Variants in TSHZ3 observed in about 807,000 individuals in gnomAD.
TSHZ3 encodes the protein teashirt zinc finger homeobox 3, also known as teashirt homolog 3.
Under a neutral mutation model 64.5 loss-of-function variants are expected in TSHZ3, and 10 were observed. The observed-to-expected ratio is 0.16, with a 90% CI of 0.10 to 0.26. TSHZ3 has a LOEUF of 0.26. Ranked by LOEUF, TSHZ3 falls within the 10% of genes least tolerant of loss-of-function variation. The pLI is 1.00. For synonymous variants in TSHZ3, 608 were observed against 593.1 expected (o/e 1.03, Z -0.36); for missense variants, 1,242 against 1,421.7 (o/e 0.87, Z 2.03).
intron 1 of TSHZ3, among the ~76,000 whole-genome samples, chr19:31,319,746 C>T (rs982076200): frequency 2.6e-5 from 4 of 152,088 alleles, no homozygotes; most frequent in African/African-American, 7.2e-5. Context: ...CACCTTTTGT[C>T]GCCCTCAAAA....
intron 5 of TSHZ3, among the ~76,000 whole-genome samples, chr19:31,190,002 A>C (rs949161908): frequency 1.8e-4 from 28 of 152,140 alleles, no homozygotes; most frequent in Admixed American, 2.0e-4. Flanking sequence ...CTCTGTGTCT[A>C]ATATTAATAG....
chr19:31,192,537 T>C (rs1193570578), intron 5 of TSHZ3, among the ~76,000 whole-genome samples: 1 of 152,224 alleles, frequency 6.6e-6, no homozygotes, highest in Non-Finnish European at 1.5e-5. Flanking sequence ...TTCACTATGT[T>C]TACTTATATT....
At chr19:31,339,152 C>A (rs1040759414) in intron 1 of TSHZ3, among the ~76,000 whole-genome samples, 13 of 151,826 alleles carry the variant, frequency 8.6e-5, no homozygotes, top group Non-Finnish European at 1.8e-4. Context: ...CCTTTGCAAG[C>A]CAGGGTGGCT....
At chr19:31,322,852 A>C (rs1229842622) in intron 1 of TSHZ3, among the ~76,000 whole-genome samples, 2 of 152,260 alleles carry the variant, frequency 1.3e-5, no homozygotes, top group Non-Finnish European at 2.9e-5. Flanking sequence ...CTAATTATTT[A>C]GTTACCTTCT....
intron 1 of TSHZ3, among the ~76,000 whole-genome samples, chr19:31,300,981 G>A (rs1268990831): frequency 6.6e-6 from 1 of 152,136 alleles, no homozygotes; most frequent in Non-Finnish European, 1.5e-5. Flanking sequence ...ATCTGCTTGT[G>A]TCAATTACTT....
At chr19:31,219,499 T>G (rs1163617017) in intron 4 of TSHZ3, among the ~76,000 whole-genome samples, 2 of 152,192 alleles carry the variant, frequency 1.3e-5, no homozygotes, top group Non-Finnish European at 2.9e-5. Flanking sequence ...AGAGCAGTTC[T>G]GGCCAGTAGA....
intron 1 of TSHZ3, among the ~76,000 whole-genome samples, chr19:31,267,211 G>A (rs768384940): frequency 2.0e-5 from 3 of 152,016 alleles, no homozygotes; most frequent in Non-Finnish European, 4.4e-5. Context: ...CTCTCAGCCT[G>A]CACAGATGAG....
At chr19:31,179,729 A>AGGTGGTGGTGGT (rs61269486) in intron 5 of TSHZ3, among the ~76,000 whole-genome samples, 1 of 147,234 alleles carries the variant, frequency 6.8e-6, no homozygotes, top group Admixed American at 6.7e-5. Flanking sequence ...TGATGATGGT[A>AGGTGGTGGTGGT]GGTGGTGGTG....
At chr19:31,300,642 G>A (rs1976739910) in intron 1 of TSHZ3, among the ~76,000 whole-genome samples, 1 of 152,136 alleles carries the variant, frequency 6.6e-6, no homozygotes, top group Admixed American at 6.5e-5. Flanking sequence ...CAGCGTGCAT[G>A]GAGCTGACGC....
chr19:31,230,504 A>G (rs1599595108), intron 3 of TSHZ3, among the ~76,000 whole-genome samples: 1 of 152,206 alleles, frequency 6.6e-6, no homozygotes, highest in Non-Finnish European at 1.5e-5. Flanking sequence ...AATCCTGCAG[A>G]GAAGTCAGGT....
intron 5 of TSHZ3, among the ~76,000 whole-genome samples, chr19:31,202,184 A>G (rs1975097593): frequency 6.6e-6 from 1 of 152,082 alleles, no homozygotes; most frequent in South Asian, 2.1e-4. Context: ...AAAAAAAGTC[A>G]TGATCTTTGA....
At chr19:31,318,082 T>A (rs1332552931) in intron 1 of TSHZ3, among the ~76,000 whole-genome samples, 10 of 152,250 alleles carry the variant, frequency 6.6e-5, no homozygotes, top group Admixed American at 6.5e-4. Context: ...TTAGGAACAG[T>A]ATAATAAATA....
chr19:31,157,031 T>TA (rs1400263306), intron 5 of TSHZ3, among the ~76,000 whole-genome samples: 1 of 152,142 alleles, frequency 6.6e-6, no homozygotes, highest in African/African-American at 2.4e-5. Flanking sequence ...GGTAAATTGA[T>TA]ACAACCATTC....
intron 5 of TSHZ3, among the ~76,000 whole-genome samples, chr19:31,178,154 G>T (rs1466393754): frequency 2.6e-5 from 4 of 152,296 alleles, no homozygotes; most frequent in East Asian, 3.9e-4. Context: ...TCCCATTGAT[G>T]ATAGATATGA....
Position 31,277,664 on chromosome 19 carries a change from G to C in TSHZ3, c.2129C>G (p.Thr710Ser). Residue 710 changes from threonine to serine, a missense_variant, in exon 2 of 2, where the codon ACC (threonine) becomes AGC (serine). Around this residue, in one of 4 missense-constraint regions of TSHZ3, gnomAD observed 550 missense variants for 545.1 expected, o/e 1.01. Transcript: ENST00000240587. This position sits in a 1 kb window ranked among gnomAD's most constrained non-coding sequence, Gnocchi z 4.5. The stretch of plus-strand genomic sequence containing the variant: ...AAAAGGCTGTTCAGGCGGGTGGTCG[G>C]TGATGATGGCCGTGCTGCCACTCAA... ...SSLSGSTAIITDHPPEQPFVN... is the reference protein window; with the variant it reads ...SSLSGSTAIISDHPPEQPFVN... 6.5e-7 allele frequency: 1 copy of C among 1,532,330 alleles called. No homozygotes were observed. Among genetic ancestry groups the C allele is most frequent in the South Asian group, 1.3e-5 (1 of 76,814 alleles). 94.9% of individuals were successfully genotyped at this position (1,532,330 alleles called of 1,614,324 possible).
At chr19:31,151,831 A>G (rs979372108) in intron 6 of TSHZ3, among the ~76,000 whole-genome samples, 3 of 152,220 alleles carry the variant, frequency 2.0e-5, no homozygotes, top group African/African-American at 4.8e-5. Flanking sequence ...GGAGCTTGCA[A>G]TAACTATTAA....
intron 5 of TSHZ3, among the ~76,000 whole-genome samples, chr19:31,193,736 G>A (rs1458878312): frequency 6.6e-6 from 1 of 152,142 alleles, no homozygotes; most frequent in African/African-American, 2.4e-5. Context: ...TTATGATGTG[G>A]ATAACTGGAG....
At chr19:31,318,328 A>T (rs534833368) in intron 1 of TSHZ3, among the ~76,000 whole-genome samples, 1 of 152,344 alleles carries the variant, frequency 6.6e-6, no homozygotes, top group African/African-American at 2.4e-5. Flanking sequence ...CTAAACCAAA[A>T]ATGCAGATCG....
chr19:31,231,757 C>T (rs1456063432), intron 3 of TSHZ3, among the ~76,000 whole-genome samples: 3 of 152,152 alleles, frequency 2.0e-5, no homozygotes, highest in African/African-American at 4.8e-5. Flanking sequence ...CCAACCGGAG[C>T]TTACGGATCC....
Sources: gnomAD v4.1 joint callset for allele counts (sites outside exome capture counted in the v4.1 genomes callset) on GRCh38, gnomAD v4.1.1 for gene constraint, gnomAD v4.1.1 regional missense constraint, Gnocchi (gnomAD v3.1) non-coding constraint, MANE v1.5 for transcripts, NCBI Gene and HGNC (gene_info 2026-07-23, HGNC 2026-07-21) for gene names.